Variants in ARID3A observed in about 807,000 individuals in gnomAD.
ARID3A encodes the protein AT-rich interaction domain 3A.
ARID3A carries 11 observed loss-of-function variants against 52.7 expected under a neutral mutation model. The ratio of observed to expected loss-of-function variants is 0.21; its 90% CI spans 0.13 to 0.35. The LOEUF (loss-of-function observed/expected upper bound fraction) is 0.35, where lower values mean the gene tolerates loss of function less well. Ranked by LOEUF, ARID3A falls within the 10% of genes least tolerant of loss-of-function variation. The pLI, the probability that ARID3A is intolerant of heterozygous loss-of-function variation, is 1.00. For synonymous variants in ARID3A, 404 were observed against 359.4 expected, an observed-to-expected ratio of 1.12 and a Z score of -1.40; for missense variants, 721 against 838.5, an observed-to-expected ratio of 0.86 and a Z score of 1.73.
intron 3 of ARID3A, among the ~76,000 whole-genome samples, chr19:950,039 A>G (rs886355326): frequency 1.2e-4 from 18 of 150,626 alleles, no homozygotes; most frequent in African/African-American, 4.4e-4. Flanking sequence ...GAGTGAACGG[A>G]TGGATGAGGC....
At chr19:933,506 G>T (rs1385831895) in intron 3 of ARID3A, among the ~76,000 whole-genome samples, 1 of 152,182 alleles carries the variant, frequency 6.6e-6, no homozygotes, top group Non-Finnish European at 1.5e-5. Flanking sequence ...GCGCGGCTGG[G>T]GGGAGCCACC....
intron 3 of ARID3A, among the ~76,000 whole-genome samples, chr19:934,367 C>T (rs1442897387): frequency 1.3e-5 from 2 of 152,192 alleles, no homozygotes; most frequent in African/African-American, 4.8e-5. Flanking sequence ...GGATGAGGGG[C>T]CAGGCGCCCT....
At position 957,162 on chromosome 19, in the gene ARID3A, C is replaced by G. The variant is rs868825053; in HGVS notation, c.694-2930C>G. Among the ~76,000 whole-genome samples, 4 of 152,292 alleles carry G rather than the reference C, an allele frequency of 2.6e-5. 1 individual carries two copies. Among genetic ancestry groups the G allele is most frequent in the Middle Eastern group, 3.4e-3 (1 of 294 alleles). On this transcript the variant is annotated intron_variant, in intron 3 of 8. Coordinates refer to ENST00000263620, the MANE Select transcript of ARID3A (RefSeq NM_005224.3). Reference sequence around the variant, plus strand: ...CTGGCTCCTTGTACCCCAGACGGAGCCTCTTTCCCCTCTGGAAGACGTTCC... The same window carrying G: ...CTGGCTCCTTGTACCCCAGACGGAGGCTCTTTCCCCTCTGGAAGACGTTCC...
chr19:935,937 T>C (rs977845643), intron 3 of ARID3A, among the ~76,000 whole-genome samples: 170 of 152,200 alleles, frequency 1.1e-3, no homozygotes, highest in Non-Finnish European at 4.3e-4. Context: ...ACTACAGGCA[T>C]CCGCCACCGC....
At position 932,727 on chromosome 19, in the gene ARID3A, G is replaced by T; in HGVS notation, c.678G>T (p.Glu226Asp). Residue 226 changes from glutamate to aspartate, a missense_variant, in exon 3 of 9, where the codon GAG becomes GAT. Coordinates refer to ENST00000263620, the MANE Select transcript of ARID3A (RefSeq NM_005224.3). ...CTGACCACGGCGACTGGACTTACGA[G>T]GAGCAGTTTAAGCAGGTGAGTGGGC... ...QPPDHGDWTYEEQFKQLYELD... is the reference protein window; with the variant it reads ...QPPDHGDWTYDEQFKQLYELD... 3 of 1,547,366 alleles carry T rather than the reference G, an allele frequency of 1.9e-6. No individual in the cohort carries two copies. The highest frequency in any genetic ancestry group is 2.6e-6 in the Non-Finnish European group (3 of 1,146,442).
intron 3 of ARID3A, among the ~76,000 whole-genome samples, chr19:945,139 T>C (rs1017686764): frequency 1.2e-4 from 18 of 152,302 alleles, no homozygotes; most frequent in African/African-American, 4.1e-4. Flanking sequence ...TCTGTGGTTA[T>C]TCATTGCTTT....
Position 972,167 on chromosome 19 carries a change from G to A in ARID3A, c.*102G>A. The A allele has an allele frequency of 8.9e-7, 1 of 1,121,616 alleles. No homozygotes were observed. The highest frequency in any genetic ancestry group is 1.2e-6 in the Non-Finnish European group (1 of 822,838). 69.5% of individuals were successfully genotyped at this position (1,121,616 alleles called of 1,614,324 possible). ...CCAGGATGGCGGAAGATACGGGTGG[G>A]GAGGGAAGATATCCAGAAAGGAGCC... On this transcript the variant is annotated 3_prime_UTR_variant, in exon 9 of 9. Coordinates refer to ENST00000263620, the MANE Select transcript of ARID3A (RefSeq NM_005224.3).
At chr19:962,226 G>A (rs531237470) in intron 4 of ARID3A, among the ~76,000 whole-genome samples, 2 of 152,220 alleles carry the variant, frequency 1.3e-5, no homozygotes, top group South Asian at 4.1e-4. Context: ...CAGACAGAGA[G>A]AAATAATTTT....
rs1293511956 is a variant in ARID3A, at chr19:974,450, C to T, written c.*2385C>T. 2 of 231,258 alleles carry T rather than the reference C, an allele frequency of 8.6e-6. No individual in the cohort carries two copies. The highest frequency in any genetic ancestry group is 1.1e-4 in the Admixed American group (2 of 17,728). 14.3% of individuals were successfully genotyped at this position (231,258 alleles called of 1,614,324 possible). ...TCTGTCCGTGTCTGTCCCCCGGCCT[C>T]CAGGGCTCCTCTCCCGGGACCCCCG... On this transcript the variant is annotated 3_prime_UTR_variant, in exon 9 of 9. Transcript: ENST00000263620.
chr19:931,490 A>G (rs1001111184), intron 2 of ARID3A, among the ~76,000 whole-genome samples: 49 of 151,138 alleles, frequency 3.2e-4, no homozygotes, highest in African/African-American at 1.0e-3. Flanking sequence ...ACCTAGCAGC[A>G]AAGAAGCAGG....
rs1178984446 is a variant in ARID3A at position 945,942 on chromosome 19, T to A, written c.693+13200T>A. ...CTGAGGCTTTCTGGGACCGTCCAGG[T>A]CCCGTCTGCAGGGAACCCCAGGACG... On this transcript the variant is annotated intron_variant, in intron 3 of 8. Transcript: ENST00000263620. 2.6e-5 allele frequency among the ~76,000 whole-genome samples: 4 copies of A among 152,128 alleles called. No homozygotes were observed. In the East Asian group the frequency reaches 7.7e-4, roughly 29 times the overall value.
rs2037337599 is a variant in ARID3A, at chr19:931,920, T to A, written c.369-498T>A. Among the ~76,000 whole-genome samples the A allele has an allele frequency of 2.0e-5, 3 of 150,434 alleles. No homozygotes were observed. In the South Asian group the frequency reaches 6.3e-4, roughly 31 times the overall value. Reference sequence around the variant, plus strand: ...ATTTCAGATGGCGGTGGGAGAATTCTCCCTGTGGAGGGAAGGGGAGGTGGA... The same window carrying A: ...ATTTCAGATGGCGGTGGGAGAATTCACCCTGTGGAGGGAAGGGGAGGTGGA... On this transcript the variant is annotated intron_variant, in intron 2 of 8. Coordinates refer to ENST00000263620, the MANE Select transcript of ARID3A (RefSeq NM_005224.3).
chr19:931,791 C>T (rs954918031), intron 2 of ARID3A, among the ~76,000 whole-genome samples: 8 of 149,380 alleles, frequency 5.4e-5, no homozygotes, highest in African/African-American at 7.4e-5. Flanking sequence ...CCAGCCTGGA[C>T]GACAGAGCGA....
chr19:964,741 TG>T lies in ARID3A; in HGVS notation c.951-90del. 6.6e-7 allele frequency: 1 copy of T among 1,506,232 alleles called. No homozygotes were observed. Among genetic ancestry groups the T allele is most frequent in the Non-Finnish European group, 8.9e-7 (1 of 1,122,714 alleles). 93.3% of individuals were successfully genotyped at this position (1,506,232 alleles called of 1,614,324 possible). On this transcript the variant is annotated intron_variant, in intron 5 of 8. Coordinates refer to ENST00000263620, the MANE Select transcript of ARID3A (RefSeq NM_005224.3). This position sits in a 1 kb window ranked among gnomAD's most constrained non-coding sequence, Gnocchi z 5.7. The stretch of plus-strand genomic sequence containing the variant: ...AGTCCAAGGGAAGAACCAGGGATGG[TG>T]GTGCCACAGTGGGGTTTACTTTGTA...
rs1157968994 is a variant in ARID3A, at chr19:972,820, A to AAC, written c.*756_*757insCA. ...AAAAAGCAAAAAAAAAAAAAAAAAA[A>AAC]AAAAAAAAAAACTCACCTTTTTATT... On this transcript the variant is annotated 3_prime_UTR_variant, in exon 9 of 9. Coordinates refer to ENST00000263620, the MANE Select transcript of ARID3A (RefSeq NM_005224.3). The AAC allele has an allele frequency of 3.3e-5, 6 of 181,318 alleles. No individual in the cohort carries two copies. The highest frequency in any genetic ancestry group is 1.4e-4 in the African/African-American group (6 of 42,208). 11.2% of individuals were successfully genotyped at this position (181,318 alleles called of 1,614,324 possible).
At chr19:939,771 T>C (rs1246810538) in intron 3 of ARID3A, among the ~76,000 whole-genome samples, 1 of 152,134 alleles carries the variant, frequency 6.6e-6, no homozygotes, top group Non-Finnish European at 1.5e-5. Context: ...CTTCCCTCGG[T>C]CATTTCCCTG....
chr19:927,216 C>G (rs1032246343), intron 1 of ARID3A, among the ~76,000 whole-genome samples: 5 of 152,172 alleles, frequency 3.3e-5, no homozygotes, highest in Admixed American at 1.3e-4. Context: ...CTCCGCCCCC[C>G]ACCCCTGCCT....
intron 3 of ARID3A, among the ~76,000 whole-genome samples, chr19:943,523 G>A (rs1435458257): frequency 6.6e-6 from 1 of 151,714 alleles, no homozygotes; most frequent in Admixed American, 6.6e-5. Flanking sequence ...AGCTGAGATC[G>A]CACCACTACA....
intron 1 of ARID3A, among the ~76,000 whole-genome samples, chr19:926,592 G>A (rs569452971): frequency 2.6e-5 from 4 of 151,872 alleles, no homozygotes; most frequent in African/African-American, 9.6e-5. Context: ...AGTTCCCGGC[G>A]AGCCTCCCCA....
Sources: allele counts gnomAD v4.1 joint callset (sites outside exome capture counted in the v4.1 genomes callset), GRCh38; gene constraint gnomAD v4.1.1; non-coding constraint Gnocchi (gnomAD v3.1); transcripts MANE v1.5; gene names NCBI Gene and HGNC (gene_info 2026-07-23, HGNC 2026-07-21).